Variants in DLG2 observed in about 807,000 individuals in gnomAD.
DLG2 encodes the protein discs large MAGUK scaffold protein 2.
Under a neutral mutation model 132.5 loss-of-function variants are expected in DLG2, and 45 were observed. That is an observed-to-expected ratio of 0.34 (90% confidence interval 0.27 to 0.44). The LOEUF (loss-of-function observed/expected upper bound fraction) is 0.44, where lower values mean the gene tolerates loss of function less well. Among genes scored for constraint, DLG2 ranks in the 20% least tolerant of loss-of-function variants. The probability of loss-of-function intolerance (pLI) is 1.00; values close to 1 mark genes in which losing one functional copy is unlikely to be tolerated. For synonymous variants in DLG2, 424 were observed against 419.6 expected (o/e 1.01, Z -0.13); for missense variants, 1,045 against 1,196.9 (o/e 0.87, Z 1.87).
intron 9 of DLG2, among the ~76,000 whole-genome samples, chr11:84,148,524 A>G (rs1291588876): frequency 6.6e-6 from 1 of 152,088 alleles, no homozygotes; most frequent in African/African-American, 2.4e-5. Context: ...GATGGCCTCC[A>G]CCTGCATCCA....
chr11:84,463,494 T>G (rs554548000), intron 7 of DLG2, among the ~76,000 whole-genome samples: 1 of 151,068 alleles, frequency 6.6e-6, no homozygotes, highest in African/African-American at 2.4e-5. Flanking sequence ...GAAACCACAA[T>G]TGGCAGACAG....
intron 21 of DLG2, among the ~76,000 whole-genome samples, chr11:83,484,846 C>T (rs2093401986): frequency 6.6e-6 from 1 of 152,084 alleles, no homozygotes; most frequent in Admixed American, 6.6e-5. Flanking sequence ...TACAGACTGA[C>T]ACATGAATAT....
At chr11:84,566,728 A>G (rs888163927) in intron 6 of DLG2, among the ~76,000 whole-genome samples, 9 of 152,216 alleles carry the variant, frequency 5.9e-5, no homozygotes, top group African/African-American at 2.2e-4. Flanking sequence ...AGAAAAGCAC[A>G]GCTGTTTGTA....
chr11:84,851,550 C>T (rs1410460149), intron 6 of DLG2, among the ~76,000 whole-genome samples: 1 of 152,026 alleles, frequency 6.6e-6, no homozygotes, highest in Non-Finnish European at 1.5e-5. Flanking sequence ...ATCAGTCTTA[C>T]ATGAGCAATG....
At chr11:85,119,606 T>C (rs1048263848) in intron 5 of DLG2, among the ~76,000 whole-genome samples, 3 of 152,052 alleles carry the variant, frequency 2.0e-5, no homozygotes, top group Non-Finnish European at 2.9e-5. Context: ...TATTTTTTCA[T>C]TGGCAGATCT....
At chr11:84,720,733 A>G (rs1276256779) in intron 6 of DLG2, 1 of 152,500 alleles carries the variant, frequency 6.6e-6, no homozygotes, top group African/African-American at 2.4e-5. Flanking sequence ...AGGAGGGTTC[A>G]AAGGAGGTGG....
Position 85,229,171 on chromosome 11 carries a change from T to A in DLG2, c.186+56049A>T, listed in dbSNP as rs1224706779. On this transcript the variant is annotated intron_variant, in intron 4 of 27. Coordinates refer to ENST00000376104, the MANE Select transcript of DLG2 (RefSeq NM_001142699.3). ...TTTCATATGTTGTATACATATCCTA[T>A]AGATCAACAACACAGTATTTTTTTT... Among the ~76,000 whole-genome samples the A allele has an allele frequency of 1.1e-4, 15 of 132,508 alleles. 1 individual carries two copies. Among genetic ancestry groups the A allele is most frequent in the African/African-American group, 4.1e-4 (15 of 36,582 alleles). The allele number at this position is 132,508 out of a possible 152,430, so 86.9% of individuals were successfully genotyped here. A position where few individuals can be genotyped will look rare whatever the true frequency, so the allele number is the denominator to read the frequency against.
chr11:84,809,891 T>C lies in DLG2; in HGVS notation c.358-275160A>G, dbSNP rs548898887. Among the ~76,000 whole-genome samples the C allele has an allele frequency of 1.2e-4, 19 of 152,016 alleles. No individual in the cohort carries two copies. The East Asian group carries it at 3.3e-3, about 26-fold the overall frequency. ...AAACTATGTGGGGTCCAAGGCAAAA[T>C]GGACACATAGATCAGTGGAACAGAA... On this transcript the variant is annotated intron_variant, in intron 6 of 27. Transcript: ENST00000376104.
At chr11:85,478,493 T>A (rs1294477179) in intron 3 of DLG2, among the ~76,000 whole-genome samples, 1 of 152,240 alleles carries the variant, frequency 6.6e-6, no homozygotes, top group South Asian at 2.1e-4. Context: ...TCTTGATTAC[T>A]AAATTTCTCA....
At chr11:84,636,969 G>GCC (rs2099641622) in intron 6 of DLG2, among the ~76,000 whole-genome samples, 1 of 151,058 alleles carries the variant, frequency 6.6e-6, no homozygotes. Flanking sequence ...TTCCGTTTTA[G>GCC]TAGAGACGGG....
chr11:85,151,418 G>A (rs182523551), intron 5 of DLG2, among the ~76,000 whole-genome samples: 2 of 151,092 alleles, frequency 1.3e-5, no homozygotes, highest in Admixed American at 1.3e-4. Context: ...CTGTGCTTCT[G>A]GTGTCATATT....
At chr11:84,262,756 A>G (rs188116487) in intron 7 of DLG2, among the ~76,000 whole-genome samples, 1 of 152,232 alleles carries the variant, frequency 6.6e-6, no homozygotes, top group East Asian at 1.9e-4. Flanking sequence ...TAGCTCCCAC[A>G]TATCAGTGAG....
chr11:85,039,799 A>T (rs965894321), intron 6 of DLG2, among the ~76,000 whole-genome samples: 45 of 151,894 alleles, frequency 3.0e-4, no homozygotes, highest in Admixed American at 8.5e-4. Flanking sequence ...ATCACTTCTT[A>T]TTTGACTTTG....
At chr11:83,559,436 A>C (rs1363972206) in intron 19 of DLG2, among the ~76,000 whole-genome samples, 1 of 152,168 alleles carries the variant, frequency 6.6e-6, no homozygotes, top group Non-Finnish European at 1.5e-5. Flanking sequence ...GATTCAATGA[A>C]GGTACTTTGT....
chr11:85,269,062 A>C (rs530350832), intron 4 of DLG2, among the ~76,000 whole-genome samples: 1 of 152,364 alleles, frequency 6.6e-6, no homozygotes, highest in East Asian at 1.9e-4. Flanking sequence ...TATAGCTACT[A>C]GCTTGCTAAA....
At chr11:83,683,189 T>C (rs1300675591) in intron 18 of DLG2, among the ~76,000 whole-genome samples, 3 of 152,224 alleles carry the variant, frequency 2.0e-5, no homozygotes, top group Non-Finnish European at 4.4e-5. Context: ...ATGTTTTGGA[T>C]AATAATAGCT....
At chr11:83,504,848 A>G (rs530375150) in intron 21 of DLG2, among the ~76,000 whole-genome samples, 1 of 152,310 alleles carries the variant, frequency 6.6e-6, no homozygotes, top group South Asian at 2.1e-4. Flanking sequence ...ACTTTGCCCC[A>G]GCCCTGCAAA....
intron 6 of DLG2, among the ~76,000 whole-genome samples, chr11:84,891,850 C>T (rs2089448120): frequency 6.6e-6 from 1 of 152,122 alleles, no homozygotes; most frequent in Non-Finnish European, 1.5e-5. Context: ...GCATCTCTGC[C>T]CTCAAAGAAT....
chr11:84,197,445 G>T (rs2096536748), intron 8 of DLG2, among the ~76,000 whole-genome samples: 1 of 152,070 alleles, frequency 6.6e-6, no homozygotes. Context: ...AGAAGTTAAG[G>T]ATCTTCTGTT....
Sources: gnomAD v4.1 joint callset for allele counts (sites outside exome capture counted in the v4.1 genomes callset) on GRCh38, gnomAD v4.1.1 for gene constraint, MANE v1.5 for transcripts, NCBI Gene and HGNC (gene_info 2026-07-23, HGNC 2026-07-21) for gene names.